Variants in CDH4 observed in about 807,000 individuals in gnomAD.
CDH4 encodes cadherin 4, also known as cadherin-4.
In CDH4, 33 loss-of-function variants were observed where a neutral mutation model predicts 86.0. The observed-to-expected ratio is 0.38, with a 90% CI of 0.29 to 0.51. CDH4 has a LOEUF of 0.51. CDH4 is among the 20% of genes least tolerant of loss of function. CDH4 has a pLI of 0.86. For missense variants in CDH4, 1,114 were observed against 1,307.4 expected, an observed-to-expected ratio of 0.85 and a Z score of 2.28; for synonymous variants, 555 against 549.4, an observed-to-expected ratio of 1.01 and a Z score of -0.14.
At chr20:61,581,449 G>A (rs1191589045) in intron 2 of CDH4, among the ~76,000 whole-genome samples, 2 of 152,114 alleles carry the variant, frequency 1.3e-5, no homozygotes, top group Non-Finnish European at 2.9e-5. Context: ...GTGTTCCTGG[G>A]CTCCTGGCCC....
At chr20:61,598,163 T>A (rs2086570348) in intron 2 of CDH4, among the ~76,000 whole-genome samples, 1 of 152,100 alleles carries the variant, frequency 6.6e-6, no homozygotes, top group Non-Finnish European at 1.5e-5. Flanking sequence ...GGGGGCATGC[T>A]GGATGGGAAG....
At chr20:61,804,773 G>C (rs1465351540) in intron 4 of CDH4, among the ~76,000 whole-genome samples, 1 of 152,236 alleles carries the variant, frequency 6.6e-6, no homozygotes, top group Non-Finnish European at 1.5e-5. Flanking sequence ...ACCAGAAGAA[G>C]AGATGGCTCA....
At chr20:61,509,124 C>A (rs2145610491) in intron 2 of CDH4, among the ~76,000 whole-genome samples, 1 of 152,240 alleles carries the variant, frequency 6.6e-6, no homozygotes, top group South Asian at 2.1e-4. Flanking sequence ...GACCCAGGCA[C>A]AAAGGCCGTG....
At position 61,323,228 on chromosome 20, in the gene CDH4, G is replaced by A. The variant is rs139541216; in HGVS notation, c.169+68291G>A. Among the ~76,000 whole-genome samples the A allele has an allele frequency of 3.8e-3, 574 of 152,324 alleles. 6 individuals are homozygous for A. The highest frequency in any genetic ancestry group is 0.013 in the African/African-American group (559 of 41,582). On this transcript the variant is annotated intron_variant, in intron 2 of 15. Transcript: ENST00000614565. ...CACCTAGAGGACTTCTCTTCGTTAG[G>A]AGTGATTGCCACTAGCTGCAGGGCA...
At chr20:61,477,896 T>G (rs2085547958) in intron 2 of CDH4, among the ~76,000 whole-genome samples, 1 of 152,148 alleles carries the variant, frequency 6.6e-6, no homozygotes, top group African/African-American at 2.4e-5. Context: ...CTGTAGAAGG[T>G]TTCATGAGCT....
rs201957660 is a variant in CDH4 at position 61,443,964 on chromosome 20, G to C, written c.169+189027G>C. Among the ~76,000 whole-genome samples, 11 of 84,616 alleles carry C rather than the reference G, an allele frequency of 1.3e-4. 1 individual carries two copies. In the South Asian group the frequency reaches 3.2e-3, roughly 25 times the overall value. 55.5% of individuals were successfully genotyped at this position (84,616 alleles called of 152,430 possible). ...GATATCTGTGTGTGTGTCTGTGTGTGTATCTGTGTGTGTGATTGTGCGTAT... is the reference window on the plus strand; with the variant it reads ...GATATCTGTGTGTGTGTCTGTGTGTCTATCTGTGTGTGTGATTGTGCGTAT... On this transcript the variant is annotated intron_variant, in intron 2 of 15. Coordinates refer to ENST00000614565, the MANE Select transcript of CDH4 (RefSeq NM_001794.5).
chr20:61,338,579 C>T (rs1257109459), intron 2 of CDH4, among the ~76,000 whole-genome samples: 1 of 152,168 alleles, frequency 6.6e-6, no homozygotes, highest in East Asian at 1.9e-4. Flanking sequence ...GTCCTCTGAC[C>T]TGGATTTAAC....
chr20:61,280,224 C>T (rs2084251440), intron 2 of CDH4, among the ~76,000 whole-genome samples: 1 of 152,100 alleles, frequency 6.6e-6, no homozygotes, highest in Admixed American at 6.5e-5. Context: ...CCAGGGTACA[C>T]ATAGGGTGAT....
At chr20:61,448,918 A>T (rs990023401) in intron 2 of CDH4, among the ~76,000 whole-genome samples, 1 of 152,228 alleles carries the variant, frequency 6.6e-6, no homozygotes, top group Non-Finnish European at 1.5e-5. Flanking sequence ...GCCCTGGCAT[A>T]TTTAAATTTT....
chr20:61,788,317 A>G (rs1263828003), intron 4 of CDH4, among the ~76,000 whole-genome samples: 1 of 152,114 alleles, frequency 6.6e-6, no homozygotes, highest in Admixed American at 6.5e-5. Context: ...CAGCCAGAAA[A>G]AGAAACAGCC....
chr20:61,562,252 AGAGAGAGG>A (rs1331775957), intron 2 of CDH4, among the ~76,000 whole-genome samples: 14 of 77,788 alleles, frequency 1.8e-4, no homozygotes, highest in African/African-American at 1.0e-3. Flanking sequence ...GGGCTCCCGG[AGAGAGAGG>A]GACCTCCGTG....
At chr20:61,401,991 G>C (rs2085052184) in intron 2 of CDH4, among the ~76,000 whole-genome samples, 1 of 152,230 alleles carries the variant, frequency 6.6e-6, no homozygotes, top group South Asian at 2.1e-4. Context: ...GTATCACGGA[G>C]GCCAGCAGTG....
At chr20:61,627,833 C>A (rs1040823483) in intron 2 of CDH4, among the ~76,000 whole-genome samples, 3 of 152,004 alleles carry the variant, frequency 2.0e-5, no homozygotes, top group Non-Finnish European at 4.4e-5. Context: ...CTGTGAGAGG[C>A]GGCCACTTCT....
intron 2 of CDH4, among the ~76,000 whole-genome samples, chr20:61,403,846 CTTGTCCCCTTTGTCT>C (rs1422528074): frequency 6.6e-6 from 1 of 152,212 alleles, no homozygotes; most frequent in African/African-American, 2.4e-5. Context: ...CATGGAATAG[CTTGTCCCCTTTGTCT>C]ACATACAGGG....
intron 2 of CDH4, among the ~76,000 whole-genome samples, chr20:61,546,079 TTCACACGTGTGTGTGTGGA>T (rs1568886612): frequency 6.5e-4 from 63 of 97,374 alleles, no homozygotes; most frequent in Middle Eastern, 7.1e-3. Flanking sequence ...AGGGGGTTTG[TTCACACGTGTGTGTGTGGA>T]GGGGTGTGTG....
intron 2 of CDH4, among the ~76,000 whole-genome samples, chr20:61,591,326 ATGTAT>A (rs762868372): frequency 4.6e-5 from 7 of 152,232 alleles, no homozygotes; most frequent in Non-Finnish European, 8.8e-5. Flanking sequence ...AACATAAGTA[ATGTAT>A]TTTATGAAAA....
At chr20:61,522,133 C>T (rs922456413) in intron 2 of CDH4, among the ~76,000 whole-genome samples, 1 of 152,198 alleles carries the variant, frequency 6.6e-6, no homozygotes. Context: ...GTGGCGTGGG[C>T]TCCTGCTTCA....
At chr20:61,337,135 G>A (rs148002074) in intron 2 of CDH4, among the ~76,000 whole-genome samples, 3 of 151,936 alleles carry the variant, frequency 2.0e-5, no homozygotes, top group Non-Finnish European at 2.9e-5. Context: ...CTGATCCTTC[G>A]CCATAAAGTG....
chr20:61,382,739 C>A (rs1422231748), intron 2 of CDH4, among the ~76,000 whole-genome samples: 1 of 152,120 alleles, frequency 6.6e-6, no homozygotes, highest in Non-Finnish European at 1.5e-5. Flanking sequence ...TGGTTCTCCT[C>A]GGGTGCACCT....
Sources: gnomAD v4.1 joint callset for allele counts (sites outside exome capture counted in the v4.1 genomes callset) on GRCh38, gnomAD v4.1.1 for gene constraint, MANE v1.5 for transcripts, NCBI Gene and HGNC (gene_info 2026-07-23, HGNC 2026-07-21) for gene names.